DSCAM: variants seen among roughly 807,000 people sequenced by gnomAD.
The protein encoded by DSCAM is cell adhesion molecule DSCAM.
DSCAM carries 47 observed loss-of-function variants against 217.7 expected under a neutral mutation model. The ratio of observed to expected loss-of-function variants is 0.22; its 90% CI spans 0.17 to 0.28. DSCAM has a LOEUF of 0.28. DSCAM is among the 10% of genes least tolerant of loss of function. The pLI is 1.00. For synonymous variants in DSCAM, 1,056 were observed against 1,015.3 expected (o/e 1.04, Z -0.76); for missense variants, 2,080 against 2,618.3 (o/e 0.79, Z 4.49).
intron 3 of DSCAM, among the ~76,000 whole-genome samples, chr21:40,386,343 T>C (rs1601605114): frequency 6.6e-6 from 1 of 152,226 alleles, no homozygotes; most frequent in African/African-American, 2.4e-5. Context: ...GAAGCTTTAG[T>C]TGAGGGCAGT....
At chr21:40,378,584 T>A (rs1450018356) in intron 3 of DSCAM, among the ~76,000 whole-genome samples, 1 of 14,388 alleles carries the variant, frequency 7.0e-5, no homozygotes, top group African/African-American at 5.1e-4. Context: ...TTTTTTTTTT[T>A]TTTTTTTTTT....
intron 3 of DSCAM, among the ~76,000 whole-genome samples, chr21:40,548,087 GC>G (rs2076598317): frequency 6.6e-6 from 1 of 152,200 alleles, no homozygotes; most frequent in Non-Finnish European, 1.5e-5. Flanking sequence ...ACTCCCCATT[GC>G]CTGCACCCTC....
rs570862029 is a variant in DSCAM, at chr21:40,812,365, C to A, written c.43+34254G>T. Among the ~76,000 whole-genome samples the A allele has an allele frequency of 3.9e-5, 6 of 152,280 alleles. No individual in the cohort carries two copies. The South Asian group carries it at 1.2e-3, about 32-fold the overall frequency. On this transcript the variant is annotated intron_variant, in intron 1 of 32. Transcript: ENST00000400454. ...AAGGAAGTCTTCCTAGATAACCCAG[C>A]ACTTATATCTTCAGCTTGGGAGTCC...
chr21:40,571,671 G>C (rs1038048814), intron 3 of DSCAM, among the ~76,000 whole-genome samples: 1 of 152,192 alleles, frequency 6.6e-6, no homozygotes, highest in South Asian at 2.1e-4. Context: ...ATGTGTGTTT[G>C]TTTGTATACA....
intron 10 of DSCAM, among the ~76,000 whole-genome samples, chr21:40,293,878 C>T (rs1408627832): frequency 5.3e-5 from 8 of 152,080 alleles, no homozygotes; most frequent in African/African-American, 1.9e-4. Flanking sequence ...GCAAGACATA[C>T]ATAGTATATT....
intron 3 of DSCAM, among the ~76,000 whole-genome samples, chr21:40,583,332 G>A (rs1475236696): frequency 6.6e-6 from 1 of 152,108 alleles, no homozygotes. Flanking sequence ...CATTGATTTC[G>A]TATCTGGCTG....
intron 3 of DSCAM, among the ~76,000 whole-genome samples, chr21:40,436,793 G>A (rs917684829): frequency 2.0e-5 from 3 of 152,176 alleles, no homozygotes; most frequent in Admixed American, 6.5e-5. Context: ...ACAGTCTTTT[G>A]GGATGATAGA....
At chr21:40,806,030 G>A (rs2091783859) in intron 1 of DSCAM, among the ~76,000 whole-genome samples, 1 of 152,078 alleles carries the variant, frequency 6.6e-6, no homozygotes, top group Non-Finnish European at 1.5e-5. Context: ...TTTCTAAGAT[G>A]AGCCTGCCAT....
intron 3 of DSCAM, among the ~76,000 whole-genome samples, chr21:40,565,747 T>C (rs1446778440): frequency 6.6e-6 from 1 of 152,060 alleles, no homozygotes; most frequent in Non-Finnish European, 1.5e-5. Flanking sequence ...GAAAGGGGGA[T>C]TCAACTTCAA....
chr21:40,769,040 C>T (rs2091421520), intron 1 of DSCAM, among the ~76,000 whole-genome samples: 1 of 152,164 alleles, frequency 6.6e-6, no homozygotes, highest in Non-Finnish European at 1.5e-5. Context: ...CTCTAGAGGG[C>T]AGCTGGGGAT....
intron 1 of DSCAM, among the ~76,000 whole-genome samples, chr21:40,822,099 A>G (rs1178991929): frequency 6.6e-6 from 1 of 151,780 alleles, no homozygotes; most frequent in Non-Finnish European, 1.5e-5. Context: ...CAGGCAGATC[A>G]CTTGAGGTCG....
At chr21:40,171,783 G>T (rs1306088858) in intron 15 of DSCAM, among the ~76,000 whole-genome samples, 2 of 151,834 alleles carry the variant, frequency 1.3e-5, no homozygotes. Context: ...GAATTTTATT[G>T]CTTTCTGTAT....
chr21:40,237,216 T>TTTA (rs1010640183), intron 11 of DSCAM, among the ~76,000 whole-genome samples: 2 of 151,938 alleles, frequency 1.3e-5, no homozygotes, highest in Admixed American at 1.3e-4. Flanking sequence ...ACTAAAGAAG[T>TTTA]TTATTATTAT....
intron 3 of DSCAM, among the ~76,000 whole-genome samples, chr21:40,386,936 T>C (rs2075091536): frequency 6.6e-6 from 1 of 152,220 alleles, no homozygotes; most frequent in South Asian, 2.1e-4. Flanking sequence ...TCTCATGAAA[T>C]GTATGTCAGA....
rs543612359 is a variant in DSCAM at position 40,351,164 on chromosome 21, A to G, written c.934+2301T>C. Reference sequence around the variant, plus strand: ...CTAGTGTAGGTACAATTAAGATCCAATCTAGGACAGGACAGAGGTTGAGAA... The same window carrying G: ...CTAGTGTAGGTACAATTAAGATCCAGTCTAGGACAGGACAGAGGTTGAGAA... On this transcript the variant is annotated intron_variant, in intron 5 of 32. Coordinates refer to ENST00000400454, the MANE Select transcript of DSCAM (RefSeq NM_001389.5). Among the ~76,000 whole-genome samples, 4 of 152,198 alleles carry G rather than the reference A, an allele frequency of 2.6e-5. No homozygotes were observed. The East Asian group carries it at 7.8e-4, about 30-fold the overall frequency.
chr21:40,211,568 T>A (rs764016186), intron 11 of DSCAM, among the ~76,000 whole-genome samples: 1 of 152,312 alleles, frequency 6.6e-6, no homozygotes, highest in East Asian at 1.9e-4. Context: ...TTTTAAAAAA[T>A]TTTTGTTGTT....
intron 24 of DSCAM, among the ~76,000 whole-genome samples, chr21:40,082,533 C>A (rs573020338): frequency 4.6e-4 from 40 of 87,200 alleles, no homozygotes; most frequent in Middle Eastern, 5.3e-3. Context: ...TGTGCATCTG[C>A]AGCTGGGTCC....
intron 3 of DSCAM, among the ~76,000 whole-genome samples, chr21:40,457,364 TAGTC>T (rs1299794643): frequency 6.6e-6 from 1 of 151,970 alleles, no homozygotes; most frequent in African/African-American, 2.4e-5. Context: ...TATACAAAGT[TAGTC>T]AGGTGTGGTG....
At chr21:40,450,121 G>T (rs2145927568) in intron 3 of DSCAM, among the ~76,000 whole-genome samples, 1 of 152,148 alleles carries the variant, frequency 6.6e-6, no homozygotes, top group South Asian at 2.1e-4. Flanking sequence ...ACAGGAAATG[G>T]TTAACAAGTT....
Sources: allele counts gnomAD v4.1 joint callset (sites outside exome capture counted in the v4.1 genomes callset), GRCh38; gene constraint gnomAD v4.1.1; transcripts MANE v1.5; gene names NCBI Gene and HGNC (gene_info 2026-07-23, HGNC 2026-07-21).